Variants in PTPRO observed in about 807,000 individuals in gnomAD.
The protein encoded by PTPRO is receptor-type tyrosine-protein phosphatase O.
PTPRO carries 62 observed loss-of-function variants against 145.2 expected under a neutral mutation model. That is an observed-to-expected ratio of 0.43 (90% CI 0.35 to 0.53). The LOEUF (loss-of-function observed/expected upper bound fraction) is 0.53. Ranked by LOEUF, PTPRO falls within the 20% of genes least tolerant of loss-of-function variation. The pLI, the probability that PTPRO is intolerant of heterozygous loss-of-function variation, is 0.01. For missense variants in PTPRO, 1,345 were observed against 1,482.7 expected (o/e 0.91, Z 1.53); for synonymous variants, 565 against 514.7 (o/e 1.10, Z -1.32).
At chr12:15,519,062 G>C (rs1262635614) in intron 9 of PTPRO, among the ~76,000 whole-genome samples, 1 of 152,160 alleles carries the variant, frequency 6.6e-6, no homozygotes, top group Non-Finnish European at 1.5e-5. Context: ...CCAAGACTGG[G>C]CAATTTACAA....
At chr12:15,444,535 T>C (rs1264067901) in intron 1 of PTPRO, among the ~76,000 whole-genome samples, 2 of 152,166 alleles carry the variant, frequency 1.3e-5, no homozygotes, top group African/African-American at 4.8e-5. Flanking sequence ...CCTCCATTGA[T>C]ATACTTACTT....
At position 15,585,330 on chromosome 12, in the gene PTPRO, CT is replaced by C. The variant is rs1359095949; in HGVS notation, c.3256-1564del. On this transcript the variant is annotated intron_variant, in intron 23 of 26. Coordinates refer to ENST00000281171, the MANE Select transcript of PTPRO (RefSeq NM_030667.3). ...AATAAGTAAATTATTCTGCACAATT[CT>C]TTATGCCCAAGATAGTTTCTCAACA... Among the ~76,000 whole-genome samples, 5 of 152,140 alleles carry C rather than the reference CT, an allele frequency of 3.3e-5. No individual in the cohort carries two copies. In the East Asian group the frequency reaches 9.6e-4, roughly 29 times the overall value.
intron 9 of PTPRO, among the ~76,000 whole-genome samples, chr12:15,517,785 G>A (rs1190777912): frequency 6.6e-6 from 1 of 152,220 alleles, no homozygotes; most frequent in African/African-American, 2.4e-5. Context: ...GCTGATGCAA[G>A]AGGTGGGTTC....
intron 1 of PTPRO, among the ~76,000 whole-genome samples, chr12:15,417,253 C>A (rs1940006980): frequency 6.6e-6 from 1 of 151,596 alleles, no homozygotes; most frequent in African/African-American, 2.4e-5. Context: ...ACATTTAATA[C>A]CCTGATAAGC....
Position 15,520,172 on chromosome 12 carries a change from T to C in PTPRO, c.1780-29T>C, listed in dbSNP as rs781778440. ...AAATAGTACTTTCTCCCACAGTCTTTTGTCTCCTTGCTTGCTTTTCTCATT... is the reference window on the plus strand; with the variant it reads ...AAATAGTACTTTCTCCCACAGTCTTCTGTCTCCTTGCTTGCTTTTCTCATT... On this transcript the variant is annotated intron_variant, in intron 9 of 26. Transcript: ENST00000281171. The C allele has an allele frequency of 6.0e-6, 9 of 1,498,896 alleles. No individual in the cohort carries two copies. The South Asian group carries it at 1.0e-4, about 17-fold the overall frequency. 92.8% of individuals were successfully genotyped at this position (1,498,896 alleles called of 1,614,324 possible). A position where few individuals can be genotyped will look rare whatever the true frequency, so the allele number is the denominator to read the frequency against.
intron 1 of PTPRO, among the ~76,000 whole-genome samples, chr12:15,423,962 G>C (rs1194129958): frequency 6.6e-6 from 1 of 152,184 alleles, no homozygotes; most frequent in African/African-American, 2.4e-5. Context: ...AGTTAGAGGA[G>C]AGTCTGGTCA....
chr12:15,432,580 G>C lies in PTPRO; in HGVS notation c.76-51394G>C, dbSNP rs149622032. On this transcript the variant is annotated intron_variant, in intron 1 of 26. Transcript: ENST00000281171. ...TTCAGCTGTTTTAGGAATTGCCACA[G>C]TGTCTTCCACAATGATTGAATTAAT... Among the ~76,000 whole-genome samples the C allele has an allele frequency of 3.3e-5, 5 of 152,292 alleles. No homozygotes were observed. In the East Asian group the frequency reaches 9.7e-4, roughly 29 times the overall value.
chr12:15,472,459 C>G (rs1181757774), intron 1 of PTPRO, among the ~76,000 whole-genome samples: 1 of 152,218 alleles, frequency 6.6e-6, no homozygotes, highest in Admixed American at 6.5e-5. Flanking sequence ...CACCAGCACT[C>G]TATTCTGATC....
intron 12 of PTPRO, among the ~76,000 whole-genome samples, chr12:15,535,026 C>A (rs1362572823): frequency 1.3e-5 from 2 of 152,038 alleles, no homozygotes; most frequent in African/African-American, 4.8e-5. Flanking sequence ...GGCAGAAACA[C>A]GAAGTGAGGG....
chr12:15,409,475 C>T (rs1424298479), intron 1 of PTPRO, among the ~76,000 whole-genome samples: 3 of 152,092 alleles, frequency 2.0e-5, no homozygotes, highest in African/African-American at 4.8e-5. Flanking sequence ...ACCCACAGGA[C>T]GTATTCTTCC....
At chr12:15,418,014 T>C (rs549392563) in intron 1 of PTPRO, among the ~76,000 whole-genome samples, 1 of 152,020 alleles carries the variant, frequency 6.6e-6, no homozygotes, top group South Asian at 2.1e-4. Context: ...TGGTAGAATA[T>C]GCATGATGAC....
intron 1 of PTPRO, among the ~76,000 whole-genome samples, chr12:15,347,572 C>T (rs1216928504): frequency 6.6e-6 from 1 of 152,212 alleles, no homozygotes; most frequent in Non-Finnish European, 1.5e-5. Context: ...TAATTCACCA[C>T]TCTTTACCTA....
At chr12:15,467,726 G>T (rs777168915) in intron 1 of PTPRO, among the ~76,000 whole-genome samples, 1 of 152,234 alleles carries the variant, frequency 6.6e-6, no homozygotes, top group South Asian at 2.1e-4. Context: ...TTAATTTGGT[G>T]TAAACATTCA....
At chr12:15,368,085 A>T (rs1195851608) in intron 1 of PTPRO, among the ~76,000 whole-genome samples, 1 of 152,188 alleles carries the variant, frequency 6.6e-6, no homozygotes, top group Non-Finnish European at 1.5e-5. Flanking sequence ...GGGAAATGTC[A>T]CTACAATAAG....
chr12:15,550,865 A>C (rs115142079), intron 14 of PTPRO, among the ~76,000 whole-genome samples: 1 of 152,188 alleles, frequency 6.6e-6, no homozygotes, highest in Non-Finnish European at 1.5e-5. Flanking sequence ...TCCGTGTAGT[A>C]TGAAGAAGTA....
chr12:15,531,601 T>C (rs923766435), intron 12 of PTPRO, among the ~76,000 whole-genome samples: 2 of 152,154 alleles, frequency 1.3e-5, no homozygotes, highest in African/African-American at 2.4e-5. Context: ...CTGATACTTA[T>C]AGGGAAACTC....
chr12:15,497,610 T>C (rs1173043648), intron 3 of PTPRO, among the ~76,000 whole-genome samples: 2 of 152,262 alleles, frequency 1.3e-5, no homozygotes, highest in Admixed American at 6.5e-5. Context: ...TCGTGTGTCA[T>C]GTGTTCAGCA....
At chr12:15,360,256 A>T (rs75180647) in intron 1 of PTPRO, among the ~76,000 whole-genome samples, 2 of 152,330 alleles carry the variant, frequency 1.3e-5, no homozygotes, top group East Asian at 3.9e-4. Context: ...TTATCTTCTT[A>T]GCACCTAAAG....
chr12:15,377,673 C>G (rs975551566), intron 1 of PTPRO, among the ~76,000 whole-genome samples: 5 of 152,056 alleles, frequency 3.3e-5, no homozygotes, highest in African/African-American at 1.2e-4. Flanking sequence ...ATACTCCATT[C>G]AATGACAGCA....
Sources: allele counts gnomAD v4.1 joint callset (sites outside exome capture counted in the v4.1 genomes callset), GRCh38; gene constraint gnomAD v4.1.1; transcripts MANE v1.5; gene names NCBI Gene and HGNC (gene_info 2026-07-23, HGNC 2026-07-21).